CSMD2: variants seen among roughly 807,000 people sequenced by gnomAD.
CSMD2 encodes the protein CUB and Sushi multiple domains 2, also known as CUB and sushi domain-containing protein 2.
In CSMD2, 130 loss-of-function variants were observed where a neutral mutation model predicts 398.5. That is an observed-to-expected ratio of 0.33 (90% confidence interval 0.28 to 0.38). The LOEUF is 0.38. CSMD2 is among the 10% of genes least tolerant of loss of function. CSMD2 has a pLI of 1.00. For missense variants in CSMD2, 3,829 were observed against 4,764.9 expected, an observed-to-expected ratio of 0.80 and a Z score of 5.78; for synonymous variants, 1,828 against 1,908.5, an observed-to-expected ratio of 0.96 and a Z score of 1.10.
At chr1:33,546,846 C>A (rs1323220899) in intron 56 of CSMD2, among the ~76,000 whole-genome samples, 2 of 151,934 alleles carry the variant, frequency 1.3e-5, no homozygotes, top group Non-Finnish European at 2.9e-5. Flanking sequence ...TAGCTTGAAT[C>A]TTGATCTTGG....
chr1:34,035,673 G>GAA lies in CSMD2; in HGVS notation c.405-2969_405-2968dup, dbSNP rs201969213. ...TTTCAACACCCGTTTGTAGTTAAAC[G>GAA]AAAAAAAAAAATTCAGAAACCTACA... On this transcript the variant is annotated intron_variant, in intron 2 of 70. Coordinates refer to ENST00000373381, the MANE Select transcript of CSMD2 (RefSeq NM_001281956.2). 3.7e-3 allele frequency among the ~76,000 whole-genome samples: 477 copies of GAA among 130,194 alleles called. 1 individual carries two copies. Among genetic ancestry groups the GAA allele is most frequent in the African/African-American group, 6.8e-3 (251 of 36,950 alleles). 85.4% of individuals were successfully genotyped at this position (130,194 alleles called of 152,430 possible). A position where few individuals can be genotyped will look rare whatever the true frequency, so the allele number is the denominator to read the frequency against.
At chr1:33,892,272 T>A (rs182058051) in intron 5 of CSMD2, among the ~76,000 whole-genome samples, 150 of 152,088 alleles carry the variant, frequency 9.9e-4, no homozygotes, top group South Asian at 2.9e-3. Flanking sequence ...TATTTTAAAT[T>A]GAAAATAAAA....
intron 44 of CSMD2, among the ~76,000 whole-genome samples, chr1:33,597,379 C>G (rs1294711724): frequency 6.6e-6 from 1 of 152,024 alleles, no homozygotes; most frequent in Non-Finnish European, 1.5e-5. Context: ...TTATGTCTTT[C>G]GAAGCATTTG....
At chr1:33,694,013 C>T (rs534414276) in intron 24 of CSMD2, among the ~76,000 whole-genome samples, 19 of 152,130 alleles carry the variant, frequency 1.2e-4, no homozygotes, top group African/African-American at 2.4e-4. Context: ...GAACCGAGAT[C>T]GCACCATTGC....
rs1655929108 is a variant in CSMD2, at chr1:33,537,632, G to T, written c.9632-23C>A. On this transcript the variant is annotated intron_variant, in intron 60 of 70. Coordinates refer to ENST00000373381, the MANE Select transcript of CSMD2 (RefSeq NM_001281956.2). The surrounding 1 kb of genome is among the most constrained non-coding windows in gnomAD (Gnocchi z 4.6). The stretch of plus-strand genomic sequence containing the variant: ...CAGCTGGGAAGACGAAGGGAGAAAG[G>T]CAGGTCTAAGTTGCTTTCCAGAACC... The T allele has an allele frequency of 6.3e-7, 1 of 1,598,002 alleles. No homozygotes were observed. The highest frequency in any genetic ancestry group is 8.5e-7 in the Non-Finnish European group (1 of 1,170,940).
In CSMD2 at chr1:33,662,881, C is replaced by A. The variant is rs370469684; in HGVS notation, c.4255+9G>T. The A allele has an allele frequency of 1.2e-6, 2 of 1,613,724 alleles. No homozygotes were observed. The highest frequency in any genetic ancestry group is 4.5e-5 in the East Asian group (2 of 44,874). ...TGTGGAGTGGGGCTGGCAGAGGGCA[C>A]GCACAGACCTGAAAATTGAATGGCA... On this transcript the variant is annotated intron_variant, in intron 26 of 70. Transcript: ENST00000373381.
Position 33,652,334 on chromosome 1 carries a change from C to G in CSMD2, c.4575G>C (p.Leu1525=). 1 of 1,614,092 alleles carries G rather than the reference C, an allele frequency of 6.2e-7. No individual in the cohort carries two copies. Among genetic ancestry groups the G allele is most frequent in the Non-Finnish European group, 8.5e-7 (1 of 1,180,004 alleles). The change falls in exon 28 of 71, where the codon CTG becomes CTC. Residue 1525 remains leucine (L), a synonymous_variant. Coordinates refer to ENST00000373381, the MANE Select transcript of CSMD2 (RefSeq NM_001281956.2). Reference sequence around the variant, plus strand: ...GGAAAGGTACATACATGTTAAATACCAGGGCGATGACGTAGTCTGGTGAGA... The same window carrying G: ...GGAAAGGTACATACATGTTAAATACGAGGGCGATGACGTAGTCTGGTGAGA... The part of the protein sequence containing the change: ...VTVSPDYVIA[L]VFNIFNLEPG...
At position 33,626,473 on chromosome 1, in the gene CSMD2, A is replaced by T; in HGVS notation, c.5296+13T>A. The T allele has an allele frequency of 6.3e-7, 1 of 1,582,592 alleles. No homozygotes were observed. The highest frequency in any genetic ancestry group is 8.6e-7 in the Non-Finnish European group (1 of 1,162,958). ...GATCACCTTCCTACCTCCGGCGTCC[A>T]TGTCCTCCATACCTTGGTAGACAAA... On this transcript the variant is annotated intron_variant, in intron 33 of 70. Coordinates refer to ENST00000373381, the MANE Select transcript of CSMD2 (RefSeq NM_001281956.2).
chr1:33,734,476 C>G (rs1646819849), intron 15 of CSMD2, among the ~76,000 whole-genome samples: 1 of 151,966 alleles, frequency 6.6e-6, no homozygotes. Context: ...CCGAGTATTT[C>G]TTTAAAATTT....
intron 3 of CSMD2, among the ~76,000 whole-genome samples, chr1:33,937,412 A>G (rs898313169): frequency 6.6e-6 from 1 of 152,180 alleles, no homozygotes; most frequent in African/African-American, 2.4e-5. Context: ...GAGATAACCC[A>G]GGAGCTGAGG....
chr1:33,826,821 C>T (rs1417461195), intron 6 of CSMD2, among the ~76,000 whole-genome samples: 2 of 152,188 alleles, frequency 1.3e-5, no homozygotes, highest in Non-Finnish European at 2.9e-5. Context: ...TGCCTTGGAG[C>T]AGCTGTTTAA....
rs1343344926 is a variant in CSMD2, at chr1:34,163,045, TG to T, written c.187+1865del. Among the ~76,000 whole-genome samples the T allele has an allele frequency of 1.3e-5, 2 of 152,160 alleles. No homozygotes were observed. The highest frequency in any genetic ancestry group is 4.8e-5 in the African/African-American group (2 of 41,464). ...CTATAGGGCAGGATTCCAGCACCGC[TG>T]AGCGGTGCAAGCGCCGGTGAGTCGG... On this transcript the variant is annotated intron_variant, in intron 1 of 70. Transcript: ENST00000373381. The surrounding 1 kb of genome is among the most constrained non-coding windows in gnomAD (Gnocchi z 5.4).
rs1259188308 is a variant in CSMD2, at chr1:33,636,678, G to A, written c.4775-124C>T. 8.4e-6 allele frequency: 6 copies of A among 712,592 alleles called. No individual in the cohort carries two copies. Among genetic ancestry groups the A allele is most frequent in the Non-Finnish European group, 1.2e-5 (5 of 421,106 alleles). 44.1% of individuals were successfully genotyped at this position (712,592 alleles called of 1,614,324 possible). On this transcript the variant is annotated intron_variant, in intron 29 of 70. Transcript: ENST00000373381. This position sits in a 1 kb window ranked among gnomAD's most constrained non-coding sequence, Gnocchi z 4.8. ...AGCCACAGAGCACACGGGGATGCGTGACTGTGGCTCCTATTCCCCTCAGGT... is the reference window on the plus strand; with the variant it reads ...AGCCACAGAGCACACGGGGATGCGTAACTGTGGCTCCTATTCCCCTCAGGT...
At chr1:33,629,295 G>A (rs1311823713) in intron 32 of CSMD2, among the ~76,000 whole-genome samples, 3 of 152,088 alleles carry the variant, frequency 2.0e-5, no homozygotes, top group Non-Finnish European at 4.4e-5. Flanking sequence ...TTAGAGATGG[G>A]TCAGGTATGT....
At chr1:34,108,527 G>A (rs533957719) in intron 1 of CSMD2, among the ~76,000 whole-genome samples, 45 of 152,192 alleles carry the variant, frequency 3.0e-4, no homozygotes, top group African/African-American at 2.4e-4. Flanking sequence ...GTCCGGAACC[G>A]TAAATGTCCT....
intron 1 of CSMD2, among the ~76,000 whole-genome samples, chr1:34,096,388 A>G (rs1659306431): frequency 6.6e-6 from 1 of 152,114 alleles, no homozygotes; most frequent in Non-Finnish European, 1.5e-5. Flanking sequence ...CCTATTCAAC[A>G]TAGCGTTGGA....
chr1:34,129,799 G>A (rs757197883), intron 1 of CSMD2, among the ~76,000 whole-genome samples: 6 of 152,174 alleles, frequency 3.9e-5, no homozygotes, highest in Non-Finnish European at 7.3e-5. Context: ...CAGAGCATCC[G>A]GCAGCACTGC....
At chr1:33,971,547 G>A (rs760352734) in intron 3 of CSMD2, among the ~76,000 whole-genome samples, 2 of 152,244 alleles carry the variant, frequency 1.3e-5, no homozygotes, top group Non-Finnish European at 2.9e-5. Context: ...GTGCGTGGGT[G>A]AGAGCAGAGC....
intron 2 of CSMD2, among the ~76,000 whole-genome samples, chr1:34,066,031 T>C (rs1437216483): frequency 2.0e-5 from 3 of 152,142 alleles, no homozygotes; most frequent in Non-Finnish European, 4.4e-5. Flanking sequence ...GCCAGCTGTG[T>C]GACCGTAGGA....
Sources: gnomAD v4.1 joint callset for allele counts (sites outside exome capture counted in the v4.1 genomes callset) on GRCh38, gnomAD v4.1.1 for gene constraint, Gnocchi (gnomAD v3.1) non-coding constraint, MANE v1.5 for transcripts, NCBI Gene and HGNC (gene_info 2026-07-23, HGNC 2026-07-21) for gene names.